THEMIS: variants seen among roughly 807,000 people sequenced by gnomAD.
THEMIS encodes thymocyte selection associated, also known as protein THEMIS.
Under a neutral mutation model 52.6 loss-of-function variants are expected in THEMIS, and 37 were observed. The ratio of observed to expected loss-of-function variants is 0.70; its 90% confidence interval spans 0.54 to 0.93. The LOEUF (loss-of-function observed/expected upper bound fraction) is 0.93. Ranked by LOEUF, THEMIS falls within the 40% of genes least tolerant of loss-of-function variation. The pLI is 0.00. For synonymous variants in THEMIS, 292 were observed against 272.7 expected (o/e 1.07, Z -0.70); for missense variants, 808 against 763.1 (o/e 1.06, Z -0.69).
intron 4 of THEMIS, among the ~76,000 whole-genome samples, chr6:127,752,231 C>T (rs1454107756): frequency 6.6e-6 from 1 of 151,186 alleles, no homozygotes; most frequent in Non-Finnish European, 1.5e-5. Flanking sequence ...CATATACAAC[C>T]TAAATTTACA....
intron 4 of THEMIS, among the ~76,000 whole-genome samples, chr6:127,780,496 G>A (rs1271583501): frequency 6.6e-6 from 1 of 152,176 alleles, no homozygotes; most frequent in Non-Finnish European, 1.5e-5. Context: ...AGTGTTGATG[G>A]TCTTTACAAT....
chr6:127,853,199 C>T (rs1779490916), intron 2 of THEMIS, among the ~76,000 whole-genome samples: 1 of 151,580 alleles, frequency 6.6e-6, no homozygotes, highest in Admixed American at 6.6e-5. Flanking sequence ...CACAAATAGC[C>T]TCAATTACAT....
At chr6:127,832,218 C>A (rs761926722) in intron 2 of THEMIS, among the ~76,000 whole-genome samples, 1 of 151,862 alleles carries the variant, frequency 6.6e-6, no homozygotes, top group Non-Finnish European at 1.5e-5. Flanking sequence ...AGGCTAAAAC[C>A]CTAAAGGTCA....
In THEMIS at chr6:127,813,415, T is replaced by C. The variant is rs1204814320; in HGVS notation, c.1226A>G (p.Asn409Ser). ...GAGGATTTTTTCACAGGCCAGAACA[T>C]TCACCACTTTTTTTATTCCCTCACA... is the stretch of plus-strand genomic sequence containing the variant. ...VLCEGIKKVV[N>S]VLACEKILKK... The change falls in exon 4 of 6, where the codon AAT (asparagine) becomes AGT (serine). Residue 409 changes from asparagine (N) to serine (S), a missense_variant. By Grantham distance (46) the Asn-to-Ser change is conservative. Coordinates refer to ENST00000368248, the MANE Select transcript of THEMIS (RefSeq NM_001010923.3). 1 of 1,613,946 alleles carries C rather than the reference T, an allele frequency of 6.2e-7. No individual in the cohort carries two copies.
At chr6:127,918,008 T>C (rs1781560713) in intron 1 of THEMIS, among the ~76,000 whole-genome samples, 1 of 152,202 alleles carries the variant, frequency 6.6e-6, no homozygotes, top group African/African-American at 2.4e-5. Flanking sequence ...TACACTGTAG[T>C]AAAAGTCCTC....
chr6:127,769,949 A>T (rs1776327005), intron 4 of THEMIS, among the ~76,000 whole-genome samples: 1 of 152,236 alleles, frequency 6.6e-6, no homozygotes, highest in African/African-American at 2.4e-5. Context: ...AAAGGACATG[A>T]ACTCACCCTT....
chr6:127,768,519 C>T (rs916915929), intron 4 of THEMIS, among the ~76,000 whole-genome samples: 5 of 152,100 alleles, frequency 3.3e-5, no homozygotes, highest in Non-Finnish European at 5.9e-5. Flanking sequence ...ATCAATGCTT[C>T]CTTTTAAAAT....
At position 127,855,080 on chromosome 6, in the gene THEMIS, A is replaced by G. The variant is rs573919818; in HGVS notation, c.200T>C (p.Ile67Thr). Residue 67 changes from isoleucine to threonine, a missense_variant, in exon 2 of 6, where the codon ATT becomes ACT. Coordinates refer to ENST00000368248, the MANE Select transcript of THEMIS (RefSeq NM_001010923.3). ...KKIIAEICEQ[I>T]EGCESLQPFE... ...TGGCTGTAGAGACTCACAACCTTCA[A>G]TCTGCTCACAAATTTCAGCTATGAT... The G allele has an allele frequency of 1.1e-4, 170 of 1,611,440 alleles. 3 individuals carry two copies. In the South Asian group the frequency reaches 1.8e-3, roughly 17 times the overall value.
chr6:127,895,918 A>C (rs1392089039), intron 1 of THEMIS, among the ~76,000 whole-genome samples: 2 of 151,326 alleles, frequency 1.3e-5, no homozygotes, highest in African/African-American at 4.8e-5. Context: ...AAAAATAAAA[A>C]CTATAAGCCA....
chr6:127,870,653 T>C (rs566932494), intron 1 of THEMIS, among the ~76,000 whole-genome samples: 37 of 152,230 alleles, frequency 2.4e-4, no homozygotes, highest in African/African-American at 8.9e-4. Flanking sequence ...TGATATATCA[T>C]GTGAATATTT....
intron 1 of THEMIS, among the ~76,000 whole-genome samples, chr6:127,876,819 A>G (rs1166207982): frequency 6.6e-6 from 1 of 152,200 alleles, no homozygotes; most frequent in Non-Finnish European, 1.5e-5. Flanking sequence ...CATACGTGGA[A>G]ATAAATTTTT....
In THEMIS at chr6:127,719,739, A is replaced by T. The variant is rs1441999623; in HGVS notation, c.1843T>A (p.Leu615Met). The part of the protein sequence containing the change: ...SKVLIGSQND[L>M]VDEEKERSNR... ...CTCCTTTCTTTCTCTTCATCCACCA[A>T]ATCATTCTGACTACCAATCAGTACT... Residue 615 changes from leucine to methionine, a missense_variant, in exon 5 of 6, where the codon TTG becomes ATG. Physicochemically the swap from Leu to Met is conservative, Grantham distance 15. Coordinates refer to ENST00000368248, the MANE Select transcript of THEMIS (RefSeq NM_001010923.3). 1.2e-5 allele frequency: 20 copies of T among 1,612,300 alleles called. No individual in the cohort carries two copies. Among genetic ancestry groups the T allele is most frequent in the Non-Finnish European group, 1.6e-5 (19 of 1,178,954 alleles).
In THEMIS at chr6:127,907,795, C is replaced by T. The variant is rs564607475; in HGVS notation, c.-149-6714G>A. Among the ~76,000 whole-genome samples the T allele has an allele frequency of 1.3e-4, 19 of 151,740 alleles. No homozygotes were observed. The South Asian group carries it at 4.0e-3, about 32-fold the overall frequency. ...CTTCCATTTGAAATACCTTGATCAC[C>T]ATTCTCTTCTGTCTCCAACCATATG... On this transcript the variant is annotated intron_variant, in intron 1 of 6. Coordinates refer to the THEMIS transcript ENST00000368250.
chr6:127,831,381 G>A (rs555395978), intron 2 of THEMIS, among the ~76,000 whole-genome samples: 1 of 152,178 alleles, frequency 6.6e-6, no homozygotes. Context: ...GGACAAAGAA[G>A]AAATTAGTTA....
In THEMIS at chr6:127,787,276, GCA is replaced by G. The variant is rs142121636; in HGVS notation, c.1758+25605_1758+25606del. 5.0e-3 allele frequency among the ~76,000 whole-genome samples: 743 copies of G among 148,738 alleles called. 4 individuals carry two copies. The highest frequency in any genetic ancestry group is 8.8e-3 in the Non-Finnish European group (585 of 66,852). On this transcript the variant is annotated intron_variant, in intron 4 of 5. Coordinates refer to ENST00000368248, the MANE Select transcript of THEMIS (RefSeq NM_001010923.3). The stretch of plus-strand genomic sequence containing the variant: ...CACTCTAGCATGCACATGTGTGCAC[GCA>G]CACACACACACACACACAAACACAT...
intron 1 of THEMIS, among the ~76,000 whole-genome samples, chr6:127,887,817 C>A (rs995126826): frequency 6.6e-6 from 1 of 152,028 alleles, no homozygotes; most frequent in Non-Finnish European, 1.5e-5. Flanking sequence ...CAGTTGTATA[C>A]TTATAGTGGT....
chr6:127,703,007 C>T, the THEMIS span, among the ~76,000 whole-genome samples: 3 of 127,188 alleles, frequency 2.4e-5, no homozygotes, highest in South Asian at 2.5e-4. Context: ...TATTTTGTAA[C>T]GTTGCAAAAA....
intron 3 of THEMIS, among the ~76,000 whole-genome samples, chr6:127,824,977 A>G (rs1778459778): frequency 6.6e-6 from 1 of 152,196 alleles, no homozygotes; most frequent in Non-Finnish European, 1.5e-5. Flanking sequence ...ATATTCTCAG[A>G]GAAATAAGAT....
At chr6:127,888,577 C>T (rs892286416) in intron 1 of THEMIS, among the ~76,000 whole-genome samples, 1 of 151,936 alleles carries the variant, frequency 6.6e-6, no homozygotes, top group Non-Finnish European at 1.5e-5. Flanking sequence ...TGTTTGGTGG[C>T]ATTATGGGTA....
Sources: allele counts gnomAD v4.1 joint callset (sites outside exome capture counted in the v4.1 genomes callset), GRCh38; gene constraint gnomAD v4.1.1; transcripts MANE v1.5; gene names NCBI Gene and HGNC (gene_info 2026-07-23, HGNC 2026-07-21).